The following SLX9 variants were observed in gnomAD, a reference collection of about 807,000 sequenced individuals.
SLX9 encodes the protein ribosome biogenesis protein SLX9 homolog.
SLX9 carries 19 observed loss-of-function variants against 20.8 expected under a neutral mutation model. The observed-to-expected ratio is 0.91, with a 90% CI of 0.64 to 1.34. The LOEUF is 1.34. Among genes scored for constraint, SLX9 ranks in the 40% most tolerant of loss-of-function variants. The pLI is 0.00. For missense variants in SLX9, 299 were observed against 322.2 expected (o/e 0.93, Z 0.55); for synonymous variants, 113 against 137.1 (o/e 0.82, Z 1.23).
At chr21:44,952,081 A>T (rs987875485) in intron 2 of SLX9, among the ~76,000 whole-genome samples, 9 of 142,228 alleles carry the variant, frequency 6.3e-5, no homozygotes, top group Non-Finnish European at 1.2e-4. Context: ...GGCCTTAAAA[A>T]TGGTTTAAAC....
chr21:44,953,697 A>G (rs979208962), intron 2 of SLX9, among the ~76,000 whole-genome samples: 2 of 152,204 alleles, frequency 1.3e-5, no homozygotes, highest in African/African-American at 2.4e-5. Flanking sequence ...TCAGGAGGCC[A>G]GGAGTGCCCT....
In SLX9 at chr21:44,960,052, A is replaced by G. The variant is rs8132831; in HGVS notation, c.284-48A>G. On this transcript the variant is annotated intron_variant, in intron 2 of 5. Coordinates refer to ENST00000291634, the MANE Select transcript of SLX9 (RefSeq NM_058190.4). Reference sequence around the variant, plus strand: ...CCCCAGCCCATTCTCAGGTCATGGGAGTGCCACCTGGACACGTTTTGCTCA... The same window carrying G: ...CCCCAGCCCATTCTCAGGTCATGGGGGTGCCACCTGGACACGTTTTGCTCA... 0.011 allele frequency: 17,221 copies of G among 1,554,398 alleles called. 1,377 individuals are homozygous for G. The African/African-American group carries it at 0.19, about 17-fold the overall frequency.
At chr21:44,954,119 G>C (rs73906974) in intron 2 of SLX9, among the ~76,000 whole-genome samples, 10,444 of 152,200 alleles carry the variant, frequency 0.069, 1,147 homozygotes, top group African/African-American at 0.23. Context: ...GGGTCCTTGT[G>C]GGGTGAGCTA....
At chr21:44,969,053 T>G in intron 4 of SLX9, 1 of 434,266 alleles carries the variant, frequency 2.3e-6, no homozygotes, top group Admixed American at 2.5e-5. Context: ...GCGCCTGGCC[T>G]AATTTTGCTG....
intron 5 of SLX9, among the ~76,000 whole-genome samples, chr21:44,974,973 C>T (rs1311811802): frequency 1.3e-5 from 2 of 152,334 alleles, no homozygotes; most frequent in South Asian, 2.1e-4. Context: ...CTTGCGGTCG[C>T]GGCATTTTGA....
chr21:44,959,125 G>C, intron 2 of SLX9: 1 of 797,038 alleles, frequency 1.3e-6, no homozygotes, highest in Non-Finnish European at 1.5e-6. Context: ...CCTGGGCCTT[G>C]GAGGTTTCAC....
intron 2 of SLX9, among the ~76,000 whole-genome samples, chr21:44,959,005 C>T (rs1449040894): frequency 6.6e-6 from 1 of 152,222 alleles, no homozygotes; most frequent in Non-Finnish European, 1.5e-5. Flanking sequence ...GCTGCAAAAT[C>T]AGCCCCTCCC....
At chr21:44,956,744 G>A (rs754644762) in intron 2 of SLX9, among the ~76,000 whole-genome samples, 14 of 152,238 alleles carry the variant, frequency 9.2e-5, no homozygotes, top group African/African-American at 1.9e-4. Flanking sequence ...CCCGTGAACC[G>A]TGTCACCCCA....
intron 4 of SLX9, among the ~76,000 whole-genome samples, chr21:44,967,686 C>T (rs1022039993): frequency 6.6e-6 from 1 of 152,322 alleles, no homozygotes; most frequent in South Asian, 2.1e-4. Flanking sequence ...CTCACTCTGT[C>T]GCACAGAGGG....
chr21:44,968,953 CCGT>C (rs1399333607), intron 4 of SLX9, among the ~76,000 whole-genome samples: 1 of 152,178 alleles, frequency 6.6e-6, no homozygotes, highest in African/African-American at 2.4e-5. Context: ...CGGGGTTTCA[CCGT>C]GTTAGCCAGG....
chr21:44,943,958 G>T, intron 2 of SLX9, 121 bp downstream of exon 2: 1 of 1,374,260 alleles, frequency 7.3e-7, no homozygotes, highest in Non-Finnish European at 1.0e-6. Flanking sequence ...CTTGAGCAAG[G>T]GATGCCCCTG....
At chr21:44,954,373 C>T (rs921432375) in intron 2 of SLX9, among the ~76,000 whole-genome samples, 3 of 152,058 alleles carry the variant, frequency 2.0e-5, no homozygotes, top group Non-Finnish European at 2.9e-5. Context: ...TCAGGGGCCC[C>T]GTCTCCCAGG....
intron 4 of SLX9, among the ~76,000 whole-genome samples, chr21:44,968,520 C>T (rs1424345201): frequency 6.6e-6 from 1 of 152,216 alleles, no homozygotes; most frequent in Non-Finnish European, 1.5e-5. Flanking sequence ...CGCCCGTCTC[C>T]CAGGAGCTTG....
Position 44,976,663 on chromosome 21 carries a change from G to T in SLX9, c.570-17G>T. On this transcript the variant is annotated splice_polypyrimidine_tract_variant and intron_variant, in intron 5 of 5. Transcript: ENST00000291634. Reference sequence around the variant, plus strand: ...CGGGGGTTCCTGCCTGCTGATCTGTGGTCTCCATTCTTTCAGCGAGGAAGA... The same window carrying T: ...CGGGGGTTCCTGCCTGCTGATCTGTTGTCTCCATTCTTTCAGCGAGGAAGA... The T allele has an allele frequency of 6.3e-7, 1 of 1,577,564 alleles. No homozygotes were observed. The highest frequency in any genetic ancestry group is 8.6e-7 in the Non-Finnish European group (1 of 1,161,528).
At chr21:44,973,397 C>T (rs2085197196) in intron 5 of SLX9, 132 bp downstream of exon 5, 6 of 601,136 alleles carry the variant, frequency 1.0e-5, no homozygotes, top group Non-Finnish European at 1.5e-5. Context: ...TCCTGAGTGC[C>T]CTCACCCCGC....
chr21:44,971,262 A>G (rs1179016956), intron 4 of SLX9, among the ~76,000 whole-genome samples: 1 of 152,144 alleles, frequency 6.6e-6, no homozygotes, highest in Non-Finnish European at 1.5e-5. Flanking sequence ...GTTAGGCTCC[A>G]ATTCCTCCTC....
intron 2 of SLX9, among the ~76,000 whole-genome samples, chr21:44,948,752 G>A (rs527653066): frequency 7.2e-5 from 11 of 152,338 alleles, no homozygotes; most frequent in Admixed American, 3.9e-4. Context: ...ACCTGTGGCC[G>A]GTGGCACCTT....
intron 5 of SLX9, among the ~76,000 whole-genome samples, chr21:44,975,084 G>A (rs1011659498): frequency 4.6e-5 from 7 of 152,216 alleles, no homozygotes; most frequent in African/African-American, 1.2e-4. Context: ...TGTTCACTCC[G>A]TGTTTTGGAG....
At chr21:44,969,344 TC>T (rs982361808) in intron 4 of SLX9, 3 of 406,794 alleles carry the variant, frequency 7.4e-6, no homozygotes, top group African/African-American at 6.2e-5. Context: ...AAGTATCCTT[TC>T]CCTGTTTTCA....
Sources: allele counts gnomAD v4.1 joint callset (sites outside exome capture counted in the v4.1 genomes callset), GRCh38; gene constraint gnomAD v4.1.1; transcripts MANE v1.5; gene names NCBI Gene and HGNC (gene_info 2026-07-23, HGNC 2026-07-21).